BICC1: variants seen among roughly 807,000 people sequenced by gnomAD.
BICC1 encodes BicC family RNA binding protein 1.
A neutral mutation model predicts 111.0 loss-of-function variants in BICC1; 43 were observed. The observed-to-expected ratio is 0.39, with a 90% CI of 0.30 to 0.50. The LOEUF is 0.50. Among genes scored for constraint, BICC1 ranks in the 20% least tolerant of loss-of-function variants. The pLI, the probability that BICC1 is intolerant of heterozygous loss-of-function variation, is 0.88. For missense variants in BICC1, 1,091 were observed against 1,203.2 expected, an observed-to-expected ratio of 0.91 and a Z score of 1.38; for synonymous variants, 467 against 434.4, an observed-to-expected ratio of 1.07 and a Z score of -0.93.
At chr10:58,746,673 C>T (rs180782307) in intron 3 of BICC1, among the ~76,000 whole-genome samples, 38 of 152,230 alleles carry the variant, frequency 2.5e-4, no homozygotes, top group African/African-American at 9.1e-4. Flanking sequence ...CTAGGAGAGG[C>T]ATTCTTTCCT....
At chr10:58,699,426 G>C (rs1840162941) in intron 2 of BICC1, among the ~76,000 whole-genome samples, 2 of 152,140 alleles carry the variant, frequency 1.3e-5, no homozygotes, top group Non-Finnish European at 2.9e-5. Flanking sequence ...TCTGTCATGG[G>C]CATCTATTGG....
intron 2 of BICC1, among the ~76,000 whole-genome samples, chr10:58,689,965 A>G (rs1589025652): frequency 6.6e-6 from 1 of 152,228 alleles, no homozygotes; most frequent in African/African-American, 2.4e-5. Flanking sequence ...ATTCAGGGAA[A>G]GGACCTGTAT....
chr10:58,798,306 A>G, intron 10 of BICC1, 93 bp from the exon 11 acceptor site: 1 of 922,198 alleles, frequency 1.1e-6, no homozygotes, highest in Non-Finnish European at 1.6e-6. Flanking sequence ...ATCAGATTAT[A>G]TCATTGTGCA....
chr10:58,782,344 A>C (rs1842904493), intron 3 of BICC1, among the ~76,000 whole-genome samples: 1 of 152,222 alleles, frequency 6.6e-6, no homozygotes, highest in African/African-American at 2.4e-5. Flanking sequence ...TTTGTGGGAA[A>C]AATACAAATT....
Position 58,806,632 on chromosome 10 carries a change from T to G in BICC1, c.2221+9T>G. ...GCTATTAGCCACCAAAGGTATGTAA[T>G]ACACTAATAACTTACACTTGACTAT... On this transcript the variant is annotated intron_variant, in intron 16 of 20. Transcript: ENST00000373886. The G allele has an allele frequency of 6.2e-7, 1 of 1,601,534 alleles. No individual in the cohort carries two copies. Among genetic ancestry groups the G allele is most frequent in the Non-Finnish European group, 8.6e-7 (1 of 1,168,970 alleles).
chr10:58,669,572 A>G (rs1450397276), intron 2 of BICC1, among the ~76,000 whole-genome samples: 1 of 152,106 alleles, frequency 6.6e-6, no homozygotes, highest in Admixed American at 6.6e-5. Flanking sequence ...GATAGTGGAA[A>G]TTAAGGCTAG....
intron 2 of BICC1, among the ~76,000 whole-genome samples, chr10:58,653,728 T>C (rs1291671556): frequency 6.6e-6 from 1 of 151,744 alleles, no homozygotes; most frequent in African/African-American, 2.4e-5. Flanking sequence ...ATGTGCACAT[T>C]GTGCAGTTTA....
At chr10:58,518,590 TGG>T (rs1241638049) in intron 1 of BICC1, among the ~76,000 whole-genome samples, 1,020 of 35,228 alleles carry the variant, frequency 0.029, 11 homozygotes, top group African/African-American at 0.092. Flanking sequence ...ATGTGTGTGT[TGG>T]GGGGGGGGGG....
chr10:58,793,419 A>C, intron 8 of BICC1, 65 bp from the exon 9 acceptor site: 1 of 1,423,086 alleles, frequency 7.0e-7, no homozygotes, highest in Non-Finnish European at 9.7e-7. Context: ...CAGGCATGTT[A>C]AATTATCAGG....
intron 2 of BICC1, among the ~76,000 whole-genome samples, chr10:58,675,455 C>G (rs1026095222): frequency 7.2e-5 from 11 of 152,028 alleles, no homozygotes; most frequent in African/African-American, 2.7e-4. Context: ...GAAGGAAATC[C>G]TGCAATTTGC....
At chr10:58,591,224 C>T (rs1844606637) in intron 1 of BICC1, among the ~76,000 whole-genome samples, 1 of 152,156 alleles carries the variant, frequency 6.6e-6, no homozygotes, top group African/African-American at 2.4e-5. Flanking sequence ...TGATATTCTT[C>T]TCCACAAGTG....
intron 1 of BICC1, among the ~76,000 whole-genome samples, chr10:58,514,045 G>T (rs1246346473): frequency 6.6e-6 from 1 of 152,204 alleles, no homozygotes; most frequent in Non-Finnish European, 1.5e-5. Context: ...TCACAACTTA[G>T]AATTATTTTT....
At chr10:58,581,488 C>T (rs1021323405) in intron 1 of BICC1, among the ~76,000 whole-genome samples, 1 of 152,032 alleles carries the variant, frequency 6.6e-6, no homozygotes, top group Non-Finnish European at 1.5e-5. Context: ...AAAATCAAGG[C>T]ACAACAAACT....
intron 1 of BICC1, among the ~76,000 whole-genome samples, chr10:58,570,800 C>G (rs958752283): frequency 2.0e-5 from 3 of 152,106 alleles, no homozygotes; most frequent in Non-Finnish European, 1.5e-5. Flanking sequence ...ACCCGTATAA[C>G]CTGGAATCAC....
intron 3 of BICC1, among the ~76,000 whole-genome samples, chr10:58,773,696 G>T (rs565969734): frequency 6.6e-6 from 1 of 152,344 alleles, no homozygotes; most frequent in African/African-American, 2.4e-5. Context: ...TAGCCCCAGG[G>T]CAGGGGCAAA....
intron 3 of BICC1, among the ~76,000 whole-genome samples, chr10:58,774,396 A>T (rs911285380): frequency 1.2e-4 from 18 of 152,192 alleles, no homozygotes; most frequent in African/African-American, 4.3e-4. Context: ...GGAAAACAGG[A>T]AGTTCTGACT....
At chr10:58,810,170 C>T (rs1843855230) in intron 17 of BICC1, among the ~76,000 whole-genome samples, 1 of 152,234 alleles carries the variant, frequency 6.6e-6, no homozygotes, top group Admixed American at 6.5e-5. Context: ...AAAGGCTCTT[C>T]TGCTCCAGCA....
chr10:58,743,656 T>A (rs928389101), intron 3 of BICC1, among the ~76,000 whole-genome samples: 46 of 152,108 alleles, frequency 3.0e-4, no homozygotes, highest in African/African-American at 9.2e-4. Flanking sequence ...CAGTGTGTGC[T>A]TCTGTTTCCA....
intron 2 of BICC1, among the ~76,000 whole-genome samples, chr10:58,667,565 G>A (rs1391086949): frequency 6.6e-6 from 1 of 151,076 alleles, no homozygotes; most frequent in Non-Finnish European, 1.5e-5. Context: ...TTTTTTTTTG[G>A]CAGCTCCTTT....
Sources: gnomAD v4.1 joint callset for allele counts (sites outside exome capture counted in the v4.1 genomes callset) on GRCh38, gnomAD v4.1.1 for gene constraint, MANE v1.5 for transcripts, NCBI Gene and HGNC (gene_info 2026-07-23, HGNC 2026-07-21) for gene names.